KALRN: variants seen among roughly 807,000 people sequenced by gnomAD.
KALRN encodes kalirin RhoGEF kinase.
A neutral mutation model predicts 353.7 loss-of-function variants in KALRN; 70 were observed. The observed-to-expected ratio is 0.20, with a 90% CI of 0.16 to 0.24. The LOEUF (loss-of-function observed/expected upper bound fraction) is 0.24, where lower values mean the gene tolerates loss of function less well. KALRN is among the 10% of genes least tolerant of loss of function. The pLI, the probability that KALRN is intolerant of heterozygous loss-of-function variation, is 1.00. For synonymous variants in KALRN, 1,391 were observed against 1,434.8 expected (o/e 0.97, Z 0.69); for missense variants, 2,791 against 3,756.7 (o/e 0.74, Z 6.72).
intron 1 of KALRN, among the ~76,000 whole-genome samples, chr3:124,119,479 C>G (rs1265942560): frequency 1.3e-5 from 2 of 152,214 alleles, no homozygotes; most frequent in Non-Finnish European, 2.9e-5. Flanking sequence ...CTCTGAATCT[C>G]AATGAAATAT....
chr3:124,114,643 C>A (rs2063300927), intron 1 of KALRN, among the ~76,000 whole-genome samples: 1 of 152,136 alleles, frequency 6.6e-6, no homozygotes, highest in Non-Finnish European at 1.5e-5. Context: ...CAGCGGGCAG[C>A]CAGAGCAGCA....
chr3:124,282,166 A>G (rs2075403833), intron 5 of KALRN, among the ~76,000 whole-genome samples: 1 of 152,134 alleles, frequency 6.6e-6, no homozygotes, highest in Non-Finnish European at 1.5e-5. Context: ...TCAGGGGGCA[A>G]AGGCAGCACC....
Position 124,219,464 on chromosome 3 carries a change from T to C in KALRN, c.74-8526T>C, listed in dbSNP as rs572061938. ...AGGTAGACATTGCTTTTCTCCAGTG[T>C]AAAGGCTGCCCGACCTAGTTATCAG... On this transcript the variant is annotated intron_variant, in intron 1 of 59. Coordinates refer to ENST00000682506, the MANE Select transcript of KALRN (RefSeq NM_001388419.1). 2.5e-3 allele frequency among the ~76,000 whole-genome samples: 379 copies of C among 152,350 alleles called. 1 individual carries two copies. The highest frequency in any genetic ancestry group is 1.4e-3 in the Non-Finnish European group (95 of 68,030).
chr3:124,400,814 G>C (rs1459314650), intron 13 of KALRN, among the ~76,000 whole-genome samples: 1 of 152,162 alleles, frequency 6.6e-6, no homozygotes, highest in Non-Finnish European at 1.5e-5. Context: ...TATCCATGGA[G>C]AAATTATGTT....
chr3:124,659,220 G>A, intron 42 of KALRN, 145 bp from the exon 43 acceptor site: 1 of 671,310 alleles, frequency 1.5e-6, no homozygotes, highest in Middle Eastern at 2.6e-4. Flanking sequence ...CAGTCCTCTA[G>A]GCAATTTTAC....
chr3:124,521,722 C>T (rs2067178584), intron 33 of KALRN, among the ~76,000 whole-genome samples: 2 of 152,158 alleles, frequency 1.3e-5, no homozygotes, highest in African/African-American at 4.8e-5. Flanking sequence ...TCAGAGTTAT[C>T]TCGGAGCCCA....
chr3:124,666,415 T>C, intron 45 of KALRN, 34 bp from the exon 46 acceptor site: 1 of 1,606,458 alleles, frequency 6.2e-7, no homozygotes, highest in Non-Finnish European at 8.5e-7. Context: ...TCCCCATTTT[T>C]CATTCACTTC....
chr3:124,215,591 A>G (rs963590147), intron 1 of KALRN, among the ~76,000 whole-genome samples: 8 of 152,204 alleles, frequency 5.3e-5, no homozygotes, highest in African/African-American at 1.9e-4. Context: ...TAATCATTAC[A>G]ACAGCCTATG....
chr3:124,084,119 G>A (rs965600526), intron 1 of KALRN, among the ~76,000 whole-genome samples: 2 of 152,240 alleles, frequency 1.3e-5, no homozygotes, highest in African/African-American at 4.8e-5. Flanking sequence ...GCCGACCTCT[G>A]CTGGTGCTCC....
intron 33 of KALRN, among the ~76,000 whole-genome samples, chr3:124,508,164 G>A (rs781481069): frequency 3.6e-4 from 54 of 151,974 alleles, no homozygotes; most frequent in African/African-American, 1.2e-3. Context: ...ATATATATGC[G>A]AAAATGTACA....
At chr3:124,490,627 G>T in intron 29 of KALRN, 67 bp from the exon 30 acceptor site, 7 of 1,449,948 alleles carry the variant, frequency 4.8e-6, no homozygotes, top group Non-Finnish European at 6.6e-6. Flanking sequence ...CCAAGAGGGG[G>T]GTGGAACATG....
At chr3:124,159,298 T>C (rs984262910) in intron 1 of KALRN, among the ~76,000 whole-genome samples, 7 of 152,196 alleles carry the variant, frequency 4.6e-5, no homozygotes, top group African/African-American at 1.7e-4. Context: ...TGAGACAGGG[T>C]CTTAGTTTGT....
chr3:124,510,178 G>A (rs768404334), intron 33 of KALRN, among the ~76,000 whole-genome samples: 5 of 152,210 alleles, frequency 3.3e-5, no homozygotes, highest in Non-Finnish European at 7.3e-5. Flanking sequence ...GGGACCAAAT[G>A]TAATTAAGAA....
At chr3:124,574,747 T>G (rs1009259568) in intron 34 of KALRN, among the ~76,000 whole-genome samples, 1 of 152,188 alleles carries the variant, frequency 6.6e-6, no homozygotes. Flanking sequence ...AGGAATGACA[T>G]GCACTGAATG....
chr3:124,096,571 C>T (rs2149395744), intron 1 of KALRN: 1 of 152,280 alleles, frequency 6.6e-6, no homozygotes, highest in South Asian at 2.1e-4. Flanking sequence ...TATAATACTA[C>T]CAATTTATTT....
At chr3:124,292,689 A>G (rs1455524225) in intron 5 of KALRN, among the ~76,000 whole-genome samples, 4 of 152,152 alleles carry the variant, frequency 2.6e-5, no homozygotes, top group Non-Finnish European at 5.9e-5. Context: ...ATGTGTTTGC[A>G]TATGAGCTGC....
chr3:124,044,614 CAA>C (rs758755114), intron 1 of KALRN, among the ~76,000 whole-genome samples: 826 of 67,242 alleles, frequency 0.012, 5 homozygotes, highest in African/African-American at 0.04. Context: ...ACTCTGTCTC[CAA>C]AAAAAAAAAA....
chr3:124,195,171 CAT>C (rs2075306599), intron 1 of KALRN, among the ~76,000 whole-genome samples: 1 of 152,174 alleles, frequency 6.6e-6, no homozygotes, highest in South Asian at 2.1e-4. Context: ...GGTGCAAAGA[CAT>C]TTTTACTATA....
chr3:124,302,735 G>C (rs937579298), intron 6 of KALRN, among the ~76,000 whole-genome samples: 1 of 152,220 alleles, frequency 6.6e-6, no homozygotes, highest in South Asian at 2.1e-4. Context: ...AAAAGTTCAA[G>C]ATCAAGGTGA....
Sources: allele counts gnomAD v4.1 joint callset (sites outside exome capture counted in the v4.1 genomes callset), GRCh38; gene constraint gnomAD v4.1.1; transcripts MANE v1.5; gene names NCBI Gene and HGNC (gene_info 2026-07-23, HGNC 2026-07-21).